The following IQCM variants were observed in gnomAD, a reference collection of about 807,000 sequenced individuals.
IQCM encodes the protein IQ domain-containing protein M.
In IQCM, 45 loss-of-function variants were observed where a neutral mutation model predicts 57.6. That is an observed-to-expected ratio of 0.78 (90% confidence interval 0.62 to 1.00). The LOEUF (loss-of-function observed/expected upper bound fraction) is 1.00, where lower values mean the gene tolerates loss of function less well. Among genes scored for constraint, IQCM ranks in the 50% least tolerant of loss-of-function variants. The pLI is 0.00. For missense variants in IQCM, 468 were observed against 511.6 expected (o/e 0.91, Z 0.82); for synonymous variants, 148 against 158.9 (o/e 0.93, Z 0.51).
At chr4:149,742,871 T>C in intron 2 of IQCM, 132 bp from the exon 3 acceptor site, 1 of 399,710 alleles carries the variant, frequency 2.5e-6, no homozygotes, top group Non-Finnish European at 4.3e-6. Context: ...TCTATAACCT[T>C]CAATGCCTTC....
chr4:149,368,101 T>G (rs1167565016), intron 13 of IQCM, among the ~76,000 whole-genome samples: 4 of 152,058 alleles, frequency 2.6e-5, no homozygotes, highest in Admixed American at 2.6e-4. Context: ...ACATAAAAGT[T>G]TGAAATTTAT....
intron 2 of IQCM, among the ~76,000 whole-genome samples, chr4:149,809,746 C>T (rs1451061367): frequency 2.0e-5 from 3 of 152,150 alleles, no homozygotes; most frequent in African/African-American, 7.2e-5. Context: ...AGAGGCATTA[C>T]TTACGGAGTG....
intron 5 of IQCM, among the ~76,000 whole-genome samples, chr4:149,687,799 G>C (rs1762654442): frequency 6.6e-6 from 1 of 151,738 alleles, no homozygotes; most frequent in Admixed American, 6.6e-5. Context: ...TTTAACATAT[G>C]CAAGTCAATA....
At chr4:149,753,091 A>C (rs1408426762) in intron 2 of IQCM, among the ~76,000 whole-genome samples, 1 of 152,226 alleles carries the variant, frequency 6.6e-6, no homozygotes, top group Non-Finnish European at 1.5e-5. Context: ...ATAAAACATA[A>C]AAATATAATA....
At position 149,815,712 on chromosome 4, in the gene IQCM, T is replaced by C. The variant is rs1231865112; in HGVS notation, c.-199A>G. 6.6e-6 allele frequency: 1 copy of C among 152,024 alleles called. No homozygotes were observed. Among genetic ancestry groups the C allele is most frequent in the Non-Finnish European group, 1.5e-5 (1 of 67,928 alleles). The allele number at this position is 152,024 out of a possible 1,614,324, so 9.4% of individuals were successfully genotyped here. ...CCTTGTATTCTTCCTTTATTATTTA[T>C]CTTTAATTATCCAGCTTTATATTTC... On this transcript the variant is annotated 5_prime_UTR_variant, in exon 1 of 14. Coordinates refer to ENST00000636793, the MANE Select transcript of IQCM (RefSeq NM_001363507.2).
At chr4:149,481,706 T>TTTTTTTTTTTTTTTTG (rs1740871707) in intron 12 of IQCM, among the ~76,000 whole-genome samples, 2 of 133,394 alleles carry the variant, frequency 1.5e-5, no homozygotes, top group Non-Finnish European at 1.6e-5. Context: ...GTTTTGTTTT[T>TTTTTTTTTTTTTTTTG]TTTTTTTTTT....
chr4:149,441,199 GA>G (rs1735907951), intron 12 of IQCM, among the ~76,000 whole-genome samples: 1 of 152,052 alleles, frequency 6.6e-6, no homozygotes, highest in African/African-American at 2.4e-5. Flanking sequence ...ATGTATAACA[GA>G]AACAATAAAA....
intron 7 of IQCM, among the ~76,000 whole-genome samples, chr4:149,663,601 G>A (rs1291772802): frequency 6.6e-5 from 10 of 151,588 alleles, no homozygotes; most frequent in Admixed American, 6.0e-4. Context: ...CCTTTGCTAG[G>A]TATAGTATTC....
intron 5 of IQCM, among the ~76,000 whole-genome samples, chr4:149,722,824 GA>G (rs35346737): frequency 7.9e-5 from 12 of 151,406 alleles, no homozygotes; most frequent in East Asian, 3.9e-4. Context: ...AATTCTGTGG[GA>G]AAAAAAAGAT....
chr4:149,658,106 T>C (rs1759801064), intron 7 of IQCM, among the ~76,000 whole-genome samples: 1 of 152,146 alleles, frequency 6.6e-6, no homozygotes, highest in Non-Finnish European at 1.5e-5. Flanking sequence ...TGAAGCATTT[T>C]CCTTATGTTA....
At chr4:149,581,669 G>T (rs1752195267) in intron 9 of IQCM, among the ~76,000 whole-genome samples, 4 of 151,676 alleles carry the variant, frequency 2.6e-5, no homozygotes, top group African/African-American at 9.7e-5. Context: ...GATCTACAGG[G>T]TCTAGGGTTG....
intron 12 of IQCM, among the ~76,000 whole-genome samples, chr4:149,474,709 C>T (rs1165225107): frequency 1.3e-5 from 2 of 151,650 alleles, no homozygotes; most frequent in African/African-American, 4.8e-5. Flanking sequence ...AAGAGTGAAA[C>T]TGTCTCAAAA....
chr4:149,720,268 TA>T (rs574584661), intron 5 of IQCM, among the ~76,000 whole-genome samples: 37 of 152,288 alleles, frequency 2.4e-4, no homozygotes, highest in Non-Finnish European at 2.5e-4. Context: ...AGAAAAATGG[TA>T]AAAAAGAATG....
chr4:149,597,126 G>GT (rs1753850184), intron 8 of IQCM, among the ~76,000 whole-genome samples: 1 of 151,944 alleles, frequency 6.6e-6, no homozygotes, highest in Non-Finnish European at 1.5e-5. Context: ...GACTTGGAAA[G>GT]TAACAATCGA....
chr4:149,731,381 A>G (rs1013076184), intron 5 of IQCM, among the ~76,000 whole-genome samples: 1 of 151,970 alleles, frequency 6.6e-6, no homozygotes, highest in African/African-American at 2.4e-5. Context: ...CAGAGACTGG[A>G]CCCTCACAAA....
At chr4:149,673,264 A>C (rs994996873) in intron 7 of IQCM, among the ~76,000 whole-genome samples, 1 of 152,196 alleles carries the variant, frequency 6.6e-6, no homozygotes, top group African/African-American at 2.4e-5. Flanking sequence ...TCAAATTCAC[A>C]CATAACAATA....
At chr4:149,386,080 T>C in intron 13 of IQCM, among the ~76,000 whole-genome samples, 1 of 152,054 alleles carries the variant, frequency 6.6e-6, no homozygotes, top group South Asian at 2.1e-4. Context: ...ATAGTAGGAC[T>C]TAGAAGGTCC....
intron 7 of IQCM, among the ~76,000 whole-genome samples, chr4:149,626,642 A>T (rs1241973458): frequency 7.0e-6 from 1 of 142,412 alleles, no homozygotes; most frequent in African/African-American, 2.4e-5. Flanking sequence ...GTAGATAAAA[A>T]TTGTTCAAAA....
At chr4:149,776,860 TAAAA>T (rs200754413) in intron 2 of IQCM, among the ~76,000 whole-genome samples, 2,516 of 152,150 alleles carry the variant, frequency 0.017, 64 homozygotes, top group African/African-American at 0.057. Context: ...AAAATAATAA[TAAAA>T]AATCACTAAA....
Sources: allele counts gnomAD v4.1 joint callset (sites outside exome capture counted in the v4.1 genomes callset), GRCh38; gene constraint gnomAD v4.1.1; transcripts MANE v1.5; gene names NCBI Gene and HGNC (gene_info 2026-07-23, HGNC 2026-07-21).